ATP6V1E2: variants seen among roughly 807,000 people sequenced by gnomAD.
The protein encoded by ATP6V1E2 is ATPase H+ transporting V1 subunit E2.
For missense variants in ATP6V1E2, 308 were observed against 273.3 expected (o/e 1.13, Z -0.90); for synonymous variants, 121 against 104.2 (o/e 1.16, Z -0.98).
chr2:46,512,924 A>G (rs2103819053), intron 4 of ATP6V1E2, 112 bp from the exon 5 acceptor site: 2 of 523,290 alleles, frequency 3.8e-6, no homozygotes, highest in Non-Finnish European at 6.7e-6. Context: ...GGTCCAGAGA[A>G]GGAACACAAT....
chr2:46,517,511 T>C (rs910016572), intron 4 of ATP6V1E2, among the ~76,000 whole-genome samples: 2 of 152,222 alleles, frequency 1.3e-5, no homozygotes, highest in Non-Finnish European at 1.5e-5. Context: ...AAAGCATCTA[T>C]GCAGCAAATC....
At position 46,530,320 on chromosome 2, in the gene ATP6V1E2, G is replaced by T. The variant is rs534966853; in HGVS notation, c.-102+5493C>A. 4.6e-5 allele frequency among the ~76,000 whole-genome samples: 7 copies of T among 152,256 alleles called. No individual in the cohort carries two copies. The East Asian group carries it at 1.4e-3, about 29-fold the overall frequency. ...CACAGTAAAGGGATGATGGTGGTGG[G>T]TGGGGTGGTCATGCCCCCAATTCTG... On this transcript the variant is annotated intron_variant, in intron 4 of 4. Coordinates refer to ENST00000522587, the MANE Select transcript of ATP6V1E2 (RefSeq NM_001318063.2). The surrounding 1 kb of genome is among the most constrained non-coding windows in gnomAD (Gnocchi z 5.2).
chr2:46,531,911 G>T (rs1019633824), intron 4 of ATP6V1E2, among the ~76,000 whole-genome samples: 7 of 152,206 alleles, frequency 4.6e-5, no homozygotes, highest in Non-Finnish European at 7.3e-5. Context: ...AATGATAAGA[G>T]AACTTTATAC....
At chr2:46,526,486 A>G (rs1666927119) in intron 4 of ATP6V1E2, among the ~76,000 whole-genome samples, 1 of 152,154 alleles carries the variant, frequency 6.6e-6, no homozygotes, top group Non-Finnish European at 1.5e-5. Context: ...CCATCTCCAG[A>G]ACTTTTTCGT....
intron 4 of ATP6V1E2, among the ~76,000 whole-genome samples, chr2:46,533,660 C>G (rs950086289): frequency 2.6e-5 from 4 of 152,162 alleles, no homozygotes; most frequent in African/African-American, 9.7e-5. Context: ...TGGTGCTCTT[C>G]ATTTCTTTGT....
rs146452242 is a variant in ATP6V1E2, at chr2:46,522,577, C to A, written c.-101-9765G>T. On this transcript the variant is annotated intron_variant, in intron 4 of 4. Transcript: ENST00000522587. ...CCCTGTAAAGGATATGATCTCATTC[C>A]TTTTTATGGCTGCATAGTATTCCAT... 7.6e-3 allele frequency among the ~76,000 whole-genome samples: 1,155 copies of A among 152,224 alleles called. 16 individuals carry two copies. Among genetic ancestry groups the A allele is most frequent in the South Asian group, 0.055 (265 of 4,826 alleles).
In ATP6V1E2 at chr2:46,512,073, C is replaced by G. The variant is rs139290779; in HGVS notation, c.639G>C (p.Met213Ile). ...SAKQKMPEIR[M>I]ALFGANTNRK... ...TGTTGGTGTTAGCACCAAACAAGGCCATTCGTATTTCTGGCATCTTTTGCT... is the reference window on the plus strand; with the variant it reads ...TGTTGGTGTTAGCACCAAACAAGGCGATTCGTATTTCTGGCATCTTTTGCT... The change falls in exon 5 of 5, where the codon ATG becomes ATC. Residue 213 changes from methionine (M) to isoleucine (I), a missense_variant. Coordinates refer to ENST00000522587, the MANE Select transcript of ATP6V1E2 (RefSeq NM_001318063.2). 3.0e-5 allele frequency: 49 copies of G among 1,612,168 alleles called. No individual in the cohort carries two copies. The Middle Eastern group carries it at 2.1e-3, about 70-fold the overall frequency.
chr2:46,514,653 G>A (rs892435929), intron 4 of ATP6V1E2, among the ~76,000 whole-genome samples: 1 of 152,092 alleles, frequency 6.6e-6, no homozygotes, highest in African/African-American at 2.4e-5. Context: ...AAGCCTAAGA[G>A]ACTTACAGGA....
At chr2:46,538,868 C>G (rs1403464568) in intron 2 of ATP6V1E2, among the ~76,000 whole-genome samples, 1 of 152,076 alleles carries the variant, frequency 6.6e-6, no homozygotes. Flanking sequence ...TCTTGGGAGG[C>G]TGAGGTGAGA....
In ATP6V1E2 at chr2:46,535,997, C is replaced by T. The variant is rs1035471507; in HGVS notation, c.-216-70G>A. On this transcript the variant is annotated intron_variant, in intron 3 of 4. Coordinates refer to ENST00000522587, the MANE Select transcript of ATP6V1E2 (RefSeq NM_001318063.2). The surrounding 1 kb of genome is among the most constrained non-coding windows in gnomAD (Gnocchi z 4.4). ...ATCTGTGATCTAGCCTCCTTTGGAG[C>T]CTATGAGAGGAGACCACTCCTAAAT... 6.6e-6 allele frequency: 1 copy of T among 152,152 alleles called. No individual in the cohort carries two copies. The highest frequency in any genetic ancestry group is 2.4e-5 in the African/African-American group (1 of 41,434). 9.4% of individuals were successfully genotyped at this position (152,152 alleles called of 1,614,324 possible).
intron 2 of ATP6V1E2, among the ~76,000 whole-genome samples, chr2:46,539,065 G>A (rs894999279): frequency 3.3e-5 from 5 of 149,866 alleles, no homozygotes; most frequent in Non-Finnish European, 7.4e-5. Context: ...GGGGCAGGAT[G>A]TATAAGAAGA....
chr2:46,533,271 T>G (rs1163549336), intron 4 of ATP6V1E2, among the ~76,000 whole-genome samples: 1 of 151,654 alleles, frequency 6.6e-6, no homozygotes, highest in Non-Finnish European at 1.5e-5. Flanking sequence ...TTGGGGTTTT[T>G]TTGTTTTGTT....
intron 4 of ATP6V1E2, among the ~76,000 whole-genome samples, chr2:46,513,652 C>A (rs953463281): frequency 1.3e-5 from 2 of 151,942 alleles, no homozygotes; most frequent in African/African-American, 4.8e-5. Context: ...GGTGAAACCC[C>A]GTCTCTACTA....
chr2:46,523,214 T>C (rs547469936), intron 4 of ATP6V1E2, among the ~76,000 whole-genome samples: 1 of 152,376 alleles, frequency 6.6e-6, no homozygotes, highest in East Asian at 1.9e-4. Context: ...TAGTTTCTTT[T>C]GCTGTGCAGA....
At chr2:46,519,580 C>G (rs1213407025) in intron 4 of ATP6V1E2, 1 of 152,318 alleles carries the variant, frequency 6.6e-6, no homozygotes, top group African/African-American at 2.4e-5. Flanking sequence ...GATCCTGGTT[C>G]TGCACTTACC....
intron 4 of ATP6V1E2, among the ~76,000 whole-genome samples, chr2:46,524,793 G>A (rs1035121472): frequency 2.6e-5 from 4 of 152,188 alleles, no homozygotes; most frequent in Non-Finnish European, 4.4e-5. Flanking sequence ...GTCTGCGTGT[G>A]GAGAGCAGGT....
In ATP6V1E2 at chr2:46,512,414, G is replaced by C; in HGVS notation, c.298C>G (p.Leu100Val). ...TCCTCCACAATCCTGCTGAGTCTCA[G>C]CTTCGCCTCACTGAGCAAATCTGAG... ...LISDLLSEAK[L>V]RLSRIVEDPE... is the part of the protein sequence containing the mutation. Residue 100 changes from leucine (L) to valine (V), a missense_variant, in exon 5 of 5, where the codon CTG becomes GTG. Coordinates refer to ENST00000522587, the MANE Select transcript of ATP6V1E2 (RefSeq NM_001318063.2). The C allele has an allele frequency of 1.2e-6, 2 of 1,614,140 alleles. No individual in the cohort carries two copies. Among genetic ancestry groups the C allele is most frequent in the Non-Finnish European group, 1.7e-6 (2 of 1,180,022 alleles).
intron 4 of ATP6V1E2, among the ~76,000 whole-genome samples, chr2:46,520,993 A>T (rs1007890013): frequency 1.3e-5 from 2 of 152,248 alleles, no homozygotes; most frequent in African/African-American, 4.8e-5. Flanking sequence ...AGAGAACATT[A>T]CCAGCATCCC....
At chr2:46,526,929 G>T (rs958708880) in intron 4 of ATP6V1E2, among the ~76,000 whole-genome samples, 3 of 152,180 alleles carry the variant, frequency 2.0e-5, no homozygotes, top group African/African-American at 7.2e-5. Flanking sequence ...GTAGTTCTAA[G>T]CTCAGTGTTT....
Sources: allele counts gnomAD v4.1 joint callset (sites outside exome capture counted in the v4.1 genomes callset), GRCh38; gene constraint gnomAD v4.1.1; non-coding constraint Gnocchi (gnomAD v3.1); transcripts MANE v1.5; gene names NCBI Gene and HGNC (gene_info 2026-07-23, HGNC 2026-07-21).